ZDHHC14: variants seen among roughly 807,000 people sequenced by gnomAD.
The protein encoded by ZDHHC14 is zDHHC palmitoyltransferase 14.
A neutral mutation model predicts 47.7 loss-of-function variants in ZDHHC14; 16 were observed. The observed-to-expected ratio is 0.34, with a 90% CI of 0.23 to 0.51. The LOEUF is 0.51. Ranked by LOEUF, ZDHHC14 falls within the 20% of genes least tolerant of loss-of-function variation. The pLI, the probability that ZDHHC14 is intolerant of heterozygous loss-of-function variation, is 0.97. For missense variants in ZDHHC14, 515 were observed against 662.5 expected, an observed-to-expected ratio of 0.78 and a Z score of 2.44; for synonymous variants, 293 against 278.9, an observed-to-expected ratio of 1.05 and a Z score of -0.50.
chr6:157,664,482 G>T (rs1032036682), intron 8 of ZDHHC14, among the ~76,000 whole-genome samples: 1 of 152,174 alleles, frequency 6.6e-6, no homozygotes, highest in Non-Finnish European at 1.5e-5. Context: ...AACGTGTGTG[G>T]GTTTGTATTA....
chr6:157,612,599 G>A (rs1011781252), intron 3 of ZDHHC14, among the ~76,000 whole-genome samples: 2 of 152,168 alleles, frequency 1.3e-5, no homozygotes, highest in African/African-American at 4.8e-5. Context: ...GGTTGTCATG[G>A]TATACACTGG....
intron 1 of ZDHHC14, among the ~76,000 whole-genome samples, chr6:157,474,485 C>T (rs1341481649): frequency 6.6e-6 from 1 of 152,088 alleles, no homozygotes; most frequent in African/African-American, 2.4e-5. Context: ...TTTGAGGAAT[C>T]TTCATACTGT....
intron 6 of ZDHHC14, 98 bp from the exon 7 acceptor site, chr6:157,647,161 T>C: frequency 2.5e-6 from 2 of 784,424 alleles, no homozygotes; most frequent in Non-Finnish European, 4.1e-6. Flanking sequence ...GGATTAAAGA[T>C]GATTTGCATT....
rs371025248 is a variant in ZDHHC14, at chr6:157,453,788, T to TTGTGTG, written c.245+71546_245+71551dup. Among the ~76,000 whole-genome samples, 727 of 148,188 alleles carry TTGTGTG rather than the reference T, an allele frequency of 4.9e-3. 3 individuals are homozygous for TTGTGTG. The highest frequency in any genetic ancestry group is 7.4e-3 in the African/African-American group (292 of 39,576). ...TTCTAAGGCCATTGTTTTTTGTGTT[T>TTGTGTG]TGTGTGTGTGTGTGTGTGTGTGTGT... is the stretch of plus-strand genomic sequence containing the variant. On this transcript the variant is annotated intron_variant, in intron 1 of 8. Transcript: ENST00000359775.
intron 1 of ZDHHC14, among the ~76,000 whole-genome samples, chr6:157,515,882 A>T (rs1368919730): frequency 6.6e-6 from 1 of 152,146 alleles, no homozygotes; most frequent in Non-Finnish European, 1.5e-5. Flanking sequence ...ATTTGTATAG[A>T]TGTGTAGTAT....
At chr6:157,511,432 G>C (rs2114750338) in intron 1 of ZDHHC14, among the ~76,000 whole-genome samples, 1 of 151,528 alleles carries the variant, frequency 6.6e-6, no homozygotes, top group South Asian at 2.1e-4. Context: ...CCAGGCTGGA[G>C]TGCAATGGTG....
chr6:157,448,839 G>T (rs1208072537), intron 1 of ZDHHC14, among the ~76,000 whole-genome samples: 2 of 152,218 alleles, frequency 1.3e-5, no homozygotes, highest in African/African-American at 2.4e-5. Flanking sequence ...GCCTTCCAAA[G>T]TGCTGGGATT....
Position 157,410,772 on chromosome 6 carries a change from C to T in ZDHHC14, c.245+28506C>T, listed in dbSNP as rs572996501. On this transcript the variant is annotated intron_variant, in intron 1 of 8. Coordinates refer to ENST00000359775, the MANE Select transcript of ZDHHC14 (RefSeq NM_024630.3). ...AGTGCAGTGGCATGATCTTGGTTCA[C>T]TGCAACCTCTGCCTCCTGGGTTCAA... is the stretch of plus-strand genomic sequence containing the variant. Among the ~76,000 whole-genome samples the T allele has an allele frequency of 8.2e-4, 125 of 152,318 alleles. 1 individual carries two copies. The South Asian group carries it at 0.015, about 18-fold the overall frequency.
At chr6:157,562,211 A>T (rs1424916492) in intron 2 of ZDHHC14, among the ~76,000 whole-genome samples, 1 of 152,080 alleles carries the variant, frequency 6.6e-6, no homozygotes, top group Non-Finnish European at 1.5e-5. Flanking sequence ...GAGAAGAGAG[A>T]GGAAGGGCCT....
At chr6:157,528,956 G>T (rs1369273845) in intron 1 of ZDHHC14, among the ~76,000 whole-genome samples, 1 of 151,906 alleles carries the variant, frequency 6.6e-6, no homozygotes. Context: ...GATGAAGACT[G>T]GGGGTGGGAG....
intron 2 of ZDHHC14, among the ~76,000 whole-genome samples, chr6:157,565,984 C>A (rs554449659): frequency 3.3e-5 from 5 of 152,154 alleles, no homozygotes; most frequent in African/African-American, 1.2e-4. Flanking sequence ...CCCAGGAAAA[C>A]GCTCTTTCCT....
In ZDHHC14 at chr6:157,504,179, TG is replaced by T. The variant is rs1368584695; in HGVS notation, c.246-38403del. ...GAAACTGCAGCTACATGCAGCAACATGGGCATATATATATTTTTTTTTTGTT... is the reference window on the plus strand; with the variant it reads ...GAAACTGCAGCTACATGCAGCAACATGGCATATATATATTTTTTTTTTGTT... On this transcript the variant is annotated intron_variant, in intron 1 of 8. Coordinates refer to ENST00000359775, the MANE Select transcript of ZDHHC14 (RefSeq NM_024630.3). Among the ~76,000 whole-genome samples, 4 of 134,854 alleles carry T rather than the reference TG, an allele frequency of 3.0e-5. No individual in the cohort carries two copies. In the Admixed American group the frequency reaches 3.1e-4, roughly 11 times the overall value. The allele number at this position is 134,854 out of a possible 152,430, so 88.5% of individuals were successfully genotyped here.
intron 3 of ZDHHC14, among the ~76,000 whole-genome samples, chr6:157,603,285 G>A (rs113667730): frequency 0.016 from 2,454 of 152,336 alleles, 59 homozygotes; most frequent in African/African-American, 0.055. Flanking sequence ...TGCCCTTAAC[G>A]AGTTTTCCAC....
intron 1 of ZDHHC14, among the ~76,000 whole-genome samples, chr6:157,527,215 G>C (rs1368865193): frequency 6.6e-6 from 1 of 152,120 alleles, no homozygotes; most frequent in Admixed American, 6.5e-5. Flanking sequence ...ACACCAGCCG[G>C]GGGGCCATGG....
At chr6:157,598,326 T>C (rs564824752) in intron 3 of ZDHHC14, among the ~76,000 whole-genome samples, 1 of 151,832 alleles carries the variant, frequency 6.6e-6, no homozygotes, top group South Asian at 2.1e-4. Flanking sequence ...TGGAGGGGAG[T>C]GGAGGGAGCT....
At chr6:157,384,602 A>G (rs1777276323) in intron 1 of ZDHHC14, among the ~76,000 whole-genome samples, 2 of 152,246 alleles carry the variant, frequency 1.3e-5, no homozygotes, top group Non-Finnish European at 1.5e-5. Context: ...ACATTTCAAG[A>G]AAACAAGAGG....
Position 157,673,291 on chromosome 6 carries a change from G to T in ZDHHC14, c.*169G>T. 1 of 822,140 alleles carries T rather than the reference G, an allele frequency of 1.2e-6. No homozygotes were observed. The allele number at this position is 822,140 out of a possible 1,614,324, so 50.9% of individuals were successfully genotyped here. On this transcript the variant is annotated 3_prime_UTR_variant, in exon 9 of 9. Coordinates refer to ENST00000359775, the MANE Select transcript of ZDHHC14 (RefSeq NM_024630.3). This position sits in a 1 kb window ranked among gnomAD's most constrained non-coding sequence, Gnocchi z 5.4. Reference sequence around the variant, plus strand: ...GGATGGCACAGGGTGGCTGGCCCCGGATGCTGAGAGCTTGGTTTCATTTGA... The same window carrying T: ...GGATGGCACAGGGTGGCTGGCCCCGTATGCTGAGAGCTTGGTTTCATTTGA...
chr6:157,420,099 C>G (rs368458727), intron 1 of ZDHHC14, among the ~76,000 whole-genome samples: 1 of 152,196 alleles, frequency 6.6e-6, no homozygotes, highest in Non-Finnish European at 1.5e-5. Flanking sequence ...TTTAAGGTCT[C>G]TAGCATGGAA....
Position 157,673,140 on chromosome 6 carries a change from C to A in ZDHHC14, c.*18C>A. ...CCGTGTGACCCACATGGCCCCAGGC[C>A]GGGGGACACCAGAGGCTCCTCCATG... On this transcript the variant is annotated 3_prime_UTR_variant, in exon 9 of 9. Transcript: ENST00000359775. The surrounding 1 kb of genome is among the most constrained non-coding windows in gnomAD (Gnocchi z 5.4). 6.4e-7 allele frequency: 1 copy of A among 1,550,758 alleles called. No homozygotes were observed.
Sources: allele counts gnomAD v4.1 joint callset (sites outside exome capture counted in the v4.1 genomes callset), GRCh38; gene constraint gnomAD v4.1.1; non-coding constraint Gnocchi (gnomAD v3.1); transcripts MANE v1.5; gene names NCBI Gene and HGNC (gene_info 2026-07-23, HGNC 2026-07-21).